Variants in SLIT1 observed in about 807,000 individuals in gnomAD.
The protein encoded by SLIT1 is slit guidance ligand 1.
Under a neutral mutation model 186.1 loss-of-function variants are expected in SLIT1, and 66 were observed. The ratio of observed to expected loss-of-function variants is 0.35; its 90% CI spans 0.29 to 0.44. The LOEUF (loss-of-function observed/expected upper bound fraction) is 0.44. Ranked by LOEUF, SLIT1 falls within the 20% of genes least tolerant of loss-of-function variation. SLIT1 has a pLI of 1.00. For synonymous variants in SLIT1, 761 were observed against 833.8 expected, an observed-to-expected ratio of 0.91 and a Z score of 1.50; for missense variants, 1,638 against 2,037.4, an observed-to-expected ratio of 0.80 and a Z score of 3.77.
chr10:97,043,215 A>G lies in SLIT1; in HGVS notation c.1998-148T>C. 2 of 1,312,400 alleles carry G rather than the reference A, an allele frequency of 1.5e-6. No homozygotes were observed. Among genetic ancestry groups the G allele is most frequent in the South Asian group, 1.4e-5 (1 of 73,314 alleles). The allele number at this position is 1,312,400 out of a possible 1,614,324, so 81.3% of individuals were successfully genotyped here. The stretch of plus-strand genomic sequence containing the variant: ...CCCATCACCAAGAGGACCGGCTCTG[A>G]GGACCGGAGGGAGACTTCGAAATGT... On this transcript the variant is annotated intron_variant, in intron 19 of 36. Transcript: ENST00000266058. The surrounding 1 kb of genome is among the most constrained non-coding windows in gnomAD (Gnocchi z 7.0).
Position 97,015,070 on chromosome 10 carries a change from G to C in SLIT1, c.2970-912C>G, listed in dbSNP as rs75623501. Among the ~76,000 whole-genome samples, 59 of 152,226 alleles carry C rather than the reference G, an allele frequency of 3.9e-4. No individual in the cohort carries two copies. In the East Asian group the frequency reaches 0.01, roughly 27 times the overall value. ...CCTGGGGCACCCAAGGTTTTCCAAG[G>C]GGTGTGTGGATCAGAGAGAGGTCCA... On this transcript the variant is annotated intron_variant, in intron 28 of 36. Coordinates refer to ENST00000266058, the MANE Select transcript of SLIT1 (RefSeq NM_003061.3).
intron 4 of SLIT1, among the ~76,000 whole-genome samples, chr10:97,137,775 G>A (rs1182717000): frequency 2.0e-5 from 3 of 152,032 alleles, no homozygotes; most frequent in African/African-American, 4.8e-5. Context: ...CTGTAGAGAC[G>A]GGGTTTTGTC....
intron 4 of SLIT1, among the ~76,000 whole-genome samples, chr10:97,109,542 C>G (rs1156501220): frequency 3.9e-5 from 6 of 152,180 alleles, no homozygotes. Context: ...CTCCATGCAT[C>G]TCTTGCTCTC....
chr10:97,071,544 C>G (rs1440612225), intron 4 of SLIT1, among the ~76,000 whole-genome samples: 2 of 152,096 alleles, frequency 1.3e-5, no homozygotes, highest in Non-Finnish European at 2.9e-5. Flanking sequence ...TTTAAGGTGG[C>G]TTATAGGGAT....
At chr10:97,075,371 A>C (rs1029208425) in intron 4 of SLIT1, among the ~76,000 whole-genome samples, 3 of 152,214 alleles carry the variant, frequency 2.0e-5, no homozygotes, top group African/African-American at 7.2e-5. Context: ...GTTGGCTGCC[A>C]TTGCCCACAC....
intron 23 of SLIT1, 113 bp from the exon 24 acceptor site, chr10:97,031,790 G>A: frequency 1.3e-6 from 1 of 795,388 alleles, no homozygotes; most frequent in Non-Finnish European, 2.0e-6. Context: ...CTCGGGCTCT[G>A]TGAGGGGAGG....
chr10:97,123,209 G>A (rs1396189183), intron 4 of SLIT1, among the ~76,000 whole-genome samples: 2 of 152,134 alleles, frequency 1.3e-5, no homozygotes, highest in Admixed American at 6.5e-5. Context: ...GTCAATGCCC[G>A]GCCTTCCCTA....
At chr10:97,049,413 C>T (rs556921649) in intron 13 of SLIT1, among the ~76,000 whole-genome samples, 1 of 152,240 alleles carries the variant, frequency 6.6e-6, no homozygotes, top group East Asian at 1.9e-4. Flanking sequence ...TCACCTTTCC[C>T]TCTCTCTGCC....
At chr10:97,122,463 T>A (rs959907631) in intron 4 of SLIT1, among the ~76,000 whole-genome samples, 1 of 152,062 alleles carries the variant, frequency 6.6e-6, no homozygotes, top group Non-Finnish European at 1.5e-5. Context: ...AGGAACCCCA[T>A]CCAGCCCACG....
At chr10:97,175,767 G>A (rs1850248403) in intron 1 of SLIT1, among the ~76,000 whole-genome samples, 1 of 151,918 alleles carries the variant, frequency 6.6e-6, no homozygotes, top group Non-Finnish European at 1.5e-5. Context: ...AGGCCTCCAT[G>A]CTCTCTATCC....
At chr10:97,178,307 A>T (rs1355098623) in intron 1 of SLIT1, among the ~76,000 whole-genome samples, 1 of 152,238 alleles carries the variant, frequency 6.6e-6, no homozygotes, top group Non-Finnish European at 1.5e-5. Context: ...ATGTTGCACC[A>T]GGAAGGACAT....
chr10:96,998,579 T>C lies in SLIT1; in HGVS notation c.*2533A>G, dbSNP rs964652608. 2 of 152,296 alleles carry C rather than the reference T, an allele frequency of 1.3e-5. No homozygotes were observed. Among genetic ancestry groups the C allele is most frequent in the Non-Finnish European group, 2.9e-5 (2 of 68,074 alleles). The allele number at this position is 152,296 out of a possible 1,614,324, so 9.4% of individuals were successfully genotyped here. A position where few individuals can be genotyped will look rare whatever the true frequency, so the allele number is the denominator to read the frequency against. ...ATTTTGCAGTAGCCACCTTCCGGAC[T>C]TTCAAGCGGAGTGTGAATAGGCAAC... On this transcript the variant is annotated 3_prime_UTR_variant, in exon 37 of 37. Coordinates refer to ENST00000266058, the MANE Select transcript of SLIT1 (RefSeq NM_003061.3).
At chr10:97,070,208 CTG>C (rs1456886115) in intron 4 of SLIT1, among the ~76,000 whole-genome samples, 8 of 152,330 alleles carry the variant, frequency 5.3e-5, no homozygotes, top group African/African-American at 1.9e-4. Flanking sequence ...CCTACAGAGA[CTG>C]TGAGATGTTT....
intron 4 of SLIT1, among the ~76,000 whole-genome samples, chr10:97,070,628 T>G (rs1848993613): frequency 6.6e-6 from 1 of 152,164 alleles, no homozygotes; most frequent in Non-Finnish European, 1.5e-5. Context: ...ATTAGTGCCC[T>G]TATGAAAGAG....
intron 4 of SLIT1, among the ~76,000 whole-genome samples, chr10:97,096,578 G>A (rs533781968): frequency 1.9e-4 from 29 of 152,196 alleles, no homozygotes; most frequent in South Asian, 2.1e-4. Context: ...CACGGAGCCC[G>A]AGCAGGAGGG....
chr10:97,042,808 G>GC (rs1309102427), intron 20 of SLIT1, 93 bp downstream of exon 20: 24 of 1,369,844 alleles, frequency 1.8e-5, no homozygotes, highest in Middle Eastern at 4.2e-4. Context: ...GCCAGGGGGT[G>GC]CTGCCTGTCC....
Position 97,004,334 on chromosome 10 carries a change from T to A in SLIT1, c.3711-112A>T. 2.8e-6 allele frequency: 3 copies of A among 1,078,788 alleles called. No individual in the cohort carries two copies. The highest frequency in any genetic ancestry group is 1.6e-5 in the African/African-American group (1 of 63,590). 66.8% of individuals were successfully genotyped at this position (1,078,788 alleles called of 1,614,324 possible). ...GCTGCTTCCCAGGAGACCAAATATC[T>A]AAGGAAAAGGACTGTGGGGGCTCAA... On this transcript the variant is annotated intron_variant, in intron 33 of 36. Transcript: ENST00000266058. The surrounding 1 kb of genome is among the most constrained non-coding windows in gnomAD (Gnocchi z 5.1).
intron 1 of SLIT1, among the ~76,000 whole-genome samples, chr10:97,179,716 G>T (rs1433389885): frequency 1.3e-5 from 2 of 152,054 alleles, no homozygotes; most frequent in Non-Finnish European, 2.9e-5. Flanking sequence ...CCCAACAGCT[G>T]TCTGTCCGCC....
intron 1 of SLIT1, among the ~76,000 whole-genome samples, chr10:97,166,618 A>AGAAG (rs1850120494): frequency 1.0e-4 from 7 of 66,672 alleles, no homozygotes; most frequent in Non-Finnish European, 2.1e-4. Flanking sequence ...AAAGAAAGAA[A>AGAAG]GAAAGAGAAA....
Sources: allele counts gnomAD v4.1 joint callset (sites outside exome capture counted in the v4.1 genomes callset), GRCh38; gene constraint gnomAD v4.1.1; non-coding constraint Gnocchi (gnomAD v3.1); transcripts MANE v1.5; gene names NCBI Gene and HGNC (gene_info 2026-07-23, HGNC 2026-07-21).